DPP10: variants seen among roughly 807,000 people sequenced by gnomAD.
DPP10 encodes the protein dipeptidyl peptidase like 10, also known as inactive dipeptidyl peptidase 10.
A neutral mutation model predicts 120.9 loss-of-function variants in DPP10; 33 were observed. That is an observed-to-expected ratio of 0.27 (90% confidence interval 0.21 to 0.37). DPP10 has a LOEUF of 0.37. Ranked by LOEUF, DPP10 falls within the 10% of genes least tolerant of loss-of-function variation. DPP10 has a pLI of 1.00. For synonymous variants in DPP10, 337 were observed against 326.1 expected, an observed-to-expected ratio of 1.03 and a Z score of -0.36; for missense variants, 816 against 942.8, an observed-to-expected ratio of 0.87 and a Z score of 1.76.
intron 1 of DPP10, among the ~76,000 whole-genome samples, chr2:115,160,056 C>T (rs1172281414): frequency 7.9e-5 from 12 of 152,278 alleles, no homozygotes. Context: ...CAGATGCCCT[C>T]CCTCCAAAAG....
chr2:115,231,643 A>G (rs916535108), intron 1 of DPP10, among the ~76,000 whole-genome samples: 1 of 152,178 alleles, frequency 6.6e-6, no homozygotes, highest in East Asian at 1.9e-4. Context: ...CATCACTGGG[A>G]TGCAATGAAT....
At chr2:115,662,434 A>T (rs903131957) in intron 5 of DPP10, among the ~76,000 whole-genome samples, 6 of 146,410 alleles carry the variant, frequency 4.1e-5, no homozygotes, top group Admixed American at 6.8e-5. Context: ...TTTGTTTTTT[A>T]TTTTTTTTTT....
chr2:115,538,256 A>G (rs1229949190), intron 5 of DPP10, among the ~76,000 whole-genome samples: 1 of 151,958 alleles, frequency 6.6e-6, no homozygotes, highest in Non-Finnish European at 1.5e-5. Context: ...TCTGAATACT[A>G]GTTAGGTGTA....
intron 4 of DPP10, among the ~76,000 whole-genome samples, chr2:115,510,520 A>G (rs2077169706): frequency 6.6e-6 from 1 of 152,116 alleles, no homozygotes; most frequent in African/African-American, 2.4e-5. Flanking sequence ...GTTTATCCTT[A>G]GGCCAGAAGT....
At position 115,291,303 on chromosome 2, in the gene DPP10, C is replaced by G. The variant is rs565029988; in HGVS notation, c.61-17936C>G. Among the ~76,000 whole-genome samples the G allele has an allele frequency of 2.0e-4, 30 of 152,186 alleles. 1 individual carries two copies. The South Asian group carries it at 6.0e-3, about 30-fold the overall frequency. ...ACTGGTGTGAGCCATGGCATCCCACCTCTGCTTCATTCTAACATACCACTT... is the reference window on the plus strand; with the variant it reads ...ACTGGTGTGAGCCATGGCATCCCACGTCTGCTTCATTCTAACATACCACTT... On this transcript the variant is annotated intron_variant, in intron 1 of 25. Coordinates refer to ENST00000410059, the MANE Select transcript of DPP10 (RefSeq NM_020868.6).
chr2:115,689,704 T>C lies in DPP10; in HGVS notation c.459T>C (p.Tyr153=). Residue 153 remains tyrosine (Y), a synonymous_variant, in exon 6 of 26, where the codon TAT becomes TAC. Transcript: ENST00000410059. ...YDVKQIFHYS[Y]TASYVIYNIH... is the part of the protein sequence containing the mutation. ...AATTTCAGATTTTTCATTATTCGTA[T>C]ACTGCTTCATATGTGATTTACAACA... 6.3e-7 allele frequency: 1 copy of C among 1,579,266 alleles called. No homozygotes were observed. The highest frequency in any genetic ancestry group is 8.7e-7 in the Non-Finnish European group (1 of 1,154,878).
intron 5 of DPP10, among the ~76,000 whole-genome samples, chr2:115,681,642 T>G (rs2090658893): frequency 6.6e-6 from 1 of 151,942 alleles, no homozygotes; most frequent in Non-Finnish European, 1.5e-5. Context: ...ATTTTCTCTA[T>G]TCCCTTGATG....
chr2:115,241,943 C>T (rs1042289095), intron 1 of DPP10, among the ~76,000 whole-genome samples: 9 of 152,206 alleles, frequency 5.9e-5, no homozygotes, highest in South Asian at 2.1e-4. Flanking sequence ...ATTGTTATTA[C>T]TAGAACGACT....
At chr2:115,815,548 C>CAG in intron 20 of DPP10, 127 bp from the exon 21 acceptor site, 1 of 774,214 alleles carries the variant, frequency 1.3e-6, no homozygotes, top group South Asian at 2.5e-5. Flanking sequence ...AATACATGAA[C>CAG]AGAGCTACAG....
chr2:115,841,336 G>A (rs1393346081), intron 25 of DPP10, among the ~76,000 whole-genome samples: 2 of 152,246 alleles, frequency 1.3e-5, no homozygotes, highest in African/African-American at 2.4e-5. Flanking sequence ...ATTTATGTCT[G>A]TGCATTCATA....
At chr2:115,515,530 T>C (rs950175454) in intron 4 of DPP10, among the ~76,000 whole-genome samples, 4 of 152,104 alleles carry the variant, frequency 2.6e-5, no homozygotes, top group African/African-American at 9.6e-5. Context: ...CATAAGTCTT[T>C]CATATTGGGA....
intron 14 of DPP10, among the ~76,000 whole-genome samples, 162 bp from the exon 15 acceptor site, chr2:115,777,625 C>A (rs1682272236): frequency 6.6e-6 from 1 of 152,112 alleles, no homozygotes; most frequent in South Asian, 2.1e-4. Context: ...CAACTCCTGT[C>A]TGTATTTTGA....
intron 1 of DPP10, among the ~76,000 whole-genome samples, chr2:114,910,551 T>G (rs1694293248): frequency 6.6e-6 from 1 of 152,062 alleles, no homozygotes; most frequent in Non-Finnish European, 1.5e-5. Flanking sequence ...CTAATAATAT[T>G]TTTACTACAT....
chr2:114,835,440 T>A (rs190201257), intron 1 of DPP10: 122 of 152,276 alleles, frequency 8.0e-4, no homozygotes, highest in African/African-American at 2.8e-3. Context: ...TACACACCTA[T>A]GTATATATAA....
intron 1 of DPP10, among the ~76,000 whole-genome samples, chr2:114,754,002 G>T (rs757240808): frequency 6.6e-6 from 1 of 151,636 alleles, no homozygotes; most frequent in Non-Finnish European, 1.5e-5. Flanking sequence ...AAAATAGTGT[G>T]AAGACTAAAG....
intron 5 of DPP10, among the ~76,000 whole-genome samples, chr2:115,539,795 G>A (rs2079072392): frequency 6.8e-6 from 1 of 148,034 alleles, no homozygotes; most frequent in Non-Finnish European, 1.5e-5. Context: ...ATAATTCTTA[G>A]TAGAAACAGA....
intron 1 of DPP10, among the ~76,000 whole-genome samples, chr2:114,839,706 C>A (rs547653440): frequency 2.9e-4 from 44 of 152,158 alleles, no homozygotes; most frequent in Non-Finnish European, 5.7e-4. Flanking sequence ...CATTTTAATT[C>A]TTTTCTCTTT....
chr2:114,446,960 G>C (rs975185688), intron 1 of DPP10, among the ~76,000 whole-genome samples: 3 of 152,108 alleles, frequency 2.0e-5, no homozygotes, highest in Non-Finnish European at 2.9e-5. Context: ...TGGTATTTTG[G>C]AGTGTGACAT....
intron 7 of DPP10, among the ~76,000 whole-genome samples, chr2:115,705,831 A>T (rs934876185): frequency 6.6e-6 from 1 of 151,846 alleles, no homozygotes; most frequent in Non-Finnish European, 1.5e-5. Context: ...CTCCCTTACC[A>T]CATTGTAGTA....
Sources: allele counts gnomAD v4.1 joint callset (sites outside exome capture counted in the v4.1 genomes callset), GRCh38; gene constraint gnomAD v4.1.1; transcripts MANE v1.5; gene names NCBI Gene and HGNC (gene_info 2026-07-23, HGNC 2026-07-21).